Variants in SIPA1L3 observed in about 807,000 individuals in gnomAD.
SIPA1L3 encodes signal induced proliferation associated 1 like 3, also known as signal-induced proliferation-associated 1-like protein 3.
SIPA1L3 carries 59 observed loss-of-function variants against 150.1 expected under a neutral mutation model. The ratio of observed to expected loss-of-function variants is 0.39; its 90% CI spans 0.32 to 0.49. The LOEUF (loss-of-function observed/expected upper bound fraction) is 0.49. Among genes scored for constraint, SIPA1L3 ranks in the 20% least tolerant of loss-of-function variants. The probability of loss-of-function intolerance (pLI) is 0.86; values close to 1 mark genes in which losing one functional copy is unlikely to be tolerated. For missense variants in SIPA1L3, 2,211 were observed against 2,489.5 expected, an observed-to-expected ratio of 0.89 and a Z score of 2.38; for synonymous variants, 1,070 against 1,077.6, an observed-to-expected ratio of 0.99 and a Z score of 0.14.
At chr19:37,954,110 A>C (rs2046787989) in intron 1 of SIPA1L3, among the ~76,000 whole-genome samples, 2 of 152,164 alleles carry the variant, frequency 1.3e-5, no homozygotes, top group Admixed American at 6.6e-5. Context: ...TACCTTATTG[A>C]GTAAAGTACA....
At chr19:37,992,528 G>C (rs1001202587) in intron 1 of SIPA1L3, among the ~76,000 whole-genome samples, 8 of 152,124 alleles carry the variant, frequency 5.3e-5, no homozygotes, top group African/African-American at 1.9e-4. Context: ...GCACATGCAT[G>C]TAATCCCAGC....
At chr19:38,167,514 G>C (rs1278322567) in intron 15 of SIPA1L3, among the ~76,000 whole-genome samples, 1 of 152,164 alleles carries the variant, frequency 6.6e-6, no homozygotes, top group Non-Finnish European at 1.5e-5. Context: ...CAGACAGAGA[G>C]AGACACTGTC....
At chr19:37,998,506 G>T (rs1203375070) in intron 1 of SIPA1L3, among the ~76,000 whole-genome samples, 1 of 152,238 alleles carries the variant, frequency 6.6e-6, no homozygotes, top group Non-Finnish European at 1.5e-5. Flanking sequence ...TTCAGGCCGG[G>T]TGTGGTGCCA....
intron 9 of SIPA1L3, among the ~76,000 whole-genome samples, chr19:38,128,399 C>G (rs1470703728): frequency 6.6e-6 from 1 of 152,136 alleles, no homozygotes; most frequent in Non-Finnish European, 1.5e-5. Context: ...AGGAACCAAA[C>G]AGATTCAGTG....
intron 4 of SIPA1L3, among the ~76,000 whole-genome samples, chr19:38,091,583 T>A (rs1310177273): frequency 1.3e-5 from 2 of 152,182 alleles, no homozygotes; most frequent in Admixed American, 1.3e-4. Context: ...ACAGAGAGGT[T>A]AAGAGACTTG....
At chr19:38,198,257 C>A (rs1362098292) in intron 18 of SIPA1L3, 132 bp from the exon 19 acceptor site, 2 of 1,104,922 alleles carry the variant, frequency 1.8e-6, no homozygotes, top group Admixed American at 3.0e-5. Context: ...TCCAGCACTC[C>A]CAGACCCCTT....
At chr19:38,122,662 G>A (rs1971047988) in intron 9 of SIPA1L3, among the ~76,000 whole-genome samples, 1 of 152,180 alleles carries the variant, frequency 6.6e-6, no homozygotes, top group South Asian at 2.1e-4. Context: ...GGCCGGGTGT[G>A]AACTGGCTCC....
Position 38,112,079 on chromosome 19 carries a change from G to A in SIPA1L3, c.2291+1695G>A, listed in dbSNP as rs562206845. ...ACACACACGTATGCACACACCATGC[G>A]TCCGCACATGCACACACCTACATGC... On this transcript the variant is annotated intron_variant, in intron 8 of 21. Coordinates refer to ENST00000222345, the MANE Select transcript of SIPA1L3 (RefSeq NM_015073.3). Among the ~76,000 whole-genome samples the A allele has an allele frequency of 8.6e-5, 9 of 104,264 alleles. 1 individual carries two copies. The highest frequency in any genetic ancestry group is 3.0e-4 in the South Asian group (1 of 3,304). 68.4% of individuals were successfully genotyped at this position (104,264 alleles called of 152,430 possible).
chr19:38,080,467 A>T (rs1005824860), intron 2 of SIPA1L3, among the ~76,000 whole-genome samples: 4 of 152,218 alleles, frequency 2.6e-5, no homozygotes, highest in Non-Finnish European at 5.9e-5. Context: ...GACTTGAGAA[A>T]ATACCTGCAT....
chr19:37,931,178 T>C (rs536092164), intron 1 of SIPA1L3, among the ~76,000 whole-genome samples: 18 of 152,328 alleles, frequency 1.2e-4, no homozygotes, highest in African/African-American at 4.1e-4. Flanking sequence ...CAGCTGATTG[T>C]TGAGCATTTT....
chr19:38,118,482 C>T (rs946394588), intron 8 of SIPA1L3, among the ~76,000 whole-genome samples: 5 of 152,084 alleles, frequency 3.3e-5, no homozygotes, highest in Non-Finnish European at 5.9e-5. Flanking sequence ...GGAGGATTAC[C>T]CTTTGATGTC....
chr19:37,960,513 C>T (rs1359129709), intron 1 of SIPA1L3, among the ~76,000 whole-genome samples: 1 of 151,500 alleles, frequency 6.6e-6, no homozygotes, highest in African/African-American at 2.4e-5. Flanking sequence ...ACGCCATTCT[C>T]CTGCCTCAGC....
intron 12 of SIPA1L3, among the ~76,000 whole-genome samples, chr19:38,147,601 T>G (rs748563607): frequency 3.9e-5 from 6 of 152,166 alleles, no homozygotes; most frequent in Non-Finnish European, 7.3e-5. Context: ...TTGCCTATGG[T>G]TGTCTGATTT....
intron 1 of SIPA1L3, among the ~76,000 whole-genome samples, chr19:38,003,667 C>T (rs985474431): frequency 6.6e-6 from 1 of 152,178 alleles, no homozygotes; most frequent in Non-Finnish European, 1.5e-5. Flanking sequence ...GAATCCAGCC[C>T]AGGAGCCTCC....
intron 1 of SIPA1L3, among the ~76,000 whole-genome samples, chr19:38,009,023 G>GGTT (rs1968035956): frequency 6.6e-6 from 1 of 151,948 alleles, no homozygotes; most frequent in South Asian, 2.1e-4. Context: ...GTTCTGGCCT[G>GGTT]GTTTTTTTTT....
intron 16 of SIPA1L3, among the ~76,000 whole-genome samples, chr19:38,190,879 T>C (rs1055939923): frequency 2.0e-5 from 3 of 152,222 alleles, no homozygotes; most frequent in Non-Finnish European, 2.9e-5. Flanking sequence ...TTAAATCCAA[T>C]GTGGCTGTTC....
At chr19:37,974,535 G>A (rs894384508) in intron 1 of SIPA1L3, among the ~76,000 whole-genome samples, 1 of 151,294 alleles carries the variant, frequency 6.6e-6, no homozygotes, top group Non-Finnish European at 1.5e-5. Context: ...AAAAAGTATT[G>A]ATTCATGGCA....
chr19:38,042,248 T>C (rs1281733029), intron 2 of SIPA1L3, among the ~76,000 whole-genome samples: 9 of 152,234 alleles, frequency 5.9e-5, no homozygotes, highest in African/African-American at 2.2e-4. Flanking sequence ...TTTCATTCTT[T>C]GAAAGGCTCA....
intron 9 of SIPA1L3, among the ~76,000 whole-genome samples, chr19:38,122,179 C>T (rs1010133564): frequency 1.3e-5 from 2 of 151,648 alleles, no homozygotes; most frequent in Non-Finnish European, 2.9e-5. Flanking sequence ...TGAGAGTGAG[C>T]CACTGCACTC....
Sources: allele counts gnomAD v4.1 joint callset (sites outside exome capture counted in the v4.1 genomes callset), GRCh38; gene constraint gnomAD v4.1.1; transcripts MANE v1.5; gene names NCBI Gene and HGNC (gene_info 2026-07-23, HGNC 2026-07-21).